DCC: variants seen among roughly 807,000 people sequenced by gnomAD.
The protein encoded by DCC is netrin receptor DCC.
Under a neutral mutation model 172.5 loss-of-function variants are expected in DCC, and 58 were observed. That is an observed-to-expected ratio of 0.34 (90% CI 0.27 to 0.42). The LOEUF is 0.42. DCC is among the 10% of genes least tolerant of loss of function. The probability of loss-of-function intolerance (pLI) is 1.00; values close to 1 mark genes in which losing one functional copy is unlikely to be tolerated. For missense variants in DCC, 1,740 were observed against 1,791.0 expected (o/e 0.97, Z 0.51); for synonymous variants, 709 against 644.5 (o/e 1.10, Z -1.52).
chr18:52,865,034 T>G (rs952608278), intron 2 of DCC, among the ~76,000 whole-genome samples: 1 of 151,784 alleles, frequency 6.6e-6, no homozygotes, highest in Non-Finnish European at 1.5e-5. Context: ...CCTGGCTAAT[T>G]TTTTGTATTT....
rs1568253992 is a variant in DCC at position 52,610,163 on chromosome 18, A to T, written c.92-141891A>T. ...ACCCCATCTCTCATAAAAAAAAAAA[A>T]AAAAAAAAAAAAAAAATATATATAT... On this transcript the variant is annotated intron_variant, in intron 1 of 28. Coordinates refer to ENST00000442544, the MANE Select transcript of DCC (RefSeq NM_005215.4). Among the ~76,000 whole-genome samples, 10 of 19,024 alleles carry T rather than the reference A, an allele frequency of 5.3e-4. 1 individual carries two copies. The South Asian group carries it at 0.011, about 21-fold the overall frequency. 12.5% of individuals were successfully genotyped at this position (19,024 alleles called of 152,430 possible). A position where few individuals can be genotyped will look rare whatever the true frequency, so the allele number is the denominator to read the frequency against.
At chr18:52,389,529 A>C (rs1598776594) in intron 1 of DCC, among the ~76,000 whole-genome samples, 1 of 152,100 alleles carries the variant, frequency 6.6e-6, no homozygotes, top group Non-Finnish European at 1.5e-5. Flanking sequence ...CAACCTGTCA[A>C]TAGTGATGAG....
At chr18:52,544,029 C>G (rs2032541392) in intron 1 of DCC, among the ~76,000 whole-genome samples, 1 of 152,130 alleles carries the variant, frequency 6.6e-6, no homozygotes, top group Admixed American at 6.5e-5. Flanking sequence ...ATCTGTGGAC[C>G]TGTGATTAAC....
At chr18:52,455,072 A>T (rs1988417981) in intron 1 of DCC, among the ~76,000 whole-genome samples, 1 of 152,198 alleles carries the variant, frequency 6.6e-6, no homozygotes, top group Non-Finnish European at 1.5e-5. Flanking sequence ...AGTAAAGCTA[A>T]AAATTCCTTT....
chr18:52,958,547 AG>A (rs1324857240), intron 5 of DCC, among the ~76,000 whole-genome samples: 3 of 152,150 alleles, frequency 2.0e-5, no homozygotes, highest in Non-Finnish European at 4.4e-5. Flanking sequence ...CAGGAAAAGA[AG>A]TGAGGAAATA....
chr18:53,472,464 T>A (rs1040842444), intron 25 of DCC, among the ~76,000 whole-genome samples: 1 of 152,236 alleles, frequency 6.6e-6, no homozygotes, highest in Non-Finnish European at 1.5e-5. Flanking sequence ...GTTGCACTCC[T>A]CTTGTATTAA....
chr18:52,761,482 T>C (rs2037158950), intron 2 of DCC, among the ~76,000 whole-genome samples: 1 of 152,178 alleles, frequency 6.6e-6, no homozygotes, highest in African/African-American at 2.4e-5. Context: ...AATTTTGACC[T>C]AGCAAATCAG....
rs188439117 is a variant in DCC, at chr18:53,526,846, A to G, written c.4254+87A>G. 4.4e-3 allele frequency: 5,114 copies of G among 1,152,204 alleles called. 50 individuals are homozygous for G. Among genetic ancestry groups the G allele is most frequent in the Middle Eastern group, 0.038 (173 of 4,592 alleles). The allele number at this position is 1,152,204 out of a possible 1,614,324, so 71.4% of individuals were successfully genotyped here. Reference sequence around the variant, plus strand: ...GCATCTAAACCAATGAGTACTGTCCATTCACCCCAGGCCACCCCAGGCCAT... The same window carrying G: ...GCATCTAAACCAATGAGTACTGTCCGTTCACCCCAGGCCACCCCAGGCCAT... On this transcript the variant is annotated intron_variant, in intron 28 of 28. Transcript: ENST00000442544.
intron 2 of DCC, among the ~76,000 whole-genome samples, chr18:52,823,413 C>T (rs1431526004): frequency 1.3e-5 from 2 of 152,176 alleles, no homozygotes; most frequent in African/African-American, 2.4e-5. Flanking sequence ...ATTAGAAATA[C>T]ATTTTTAAGA....
chr18:52,918,669 AT>A (rs907367960), intron 3 of DCC, among the ~76,000 whole-genome samples: 1 of 152,162 alleles, frequency 6.6e-6, no homozygotes, highest in Admixed American at 6.6e-5. Flanking sequence ...TGAAAATTGC[AT>A]CTTTATCCTC....
At chr18:53,059,785 C>A (rs1364471852) in intron 5 of DCC, among the ~76,000 whole-genome samples, 1 of 152,064 alleles carries the variant, frequency 6.6e-6, no homozygotes, top group East Asian at 1.9e-4. Flanking sequence ...CATCTTCTAC[C>A]AATATTGCCA....
intron 1 of DCC, among the ~76,000 whole-genome samples, chr18:52,515,648 G>T (rs60759703): frequency 3.8e-5 from 3 of 78,698 alleles, no homozygotes; most frequent in South Asian, 4.5e-4. Context: ...AAATGTAAAA[G>T]AATACAAAAA....
chr18:53,515,902 C>T (rs2046328008), intron 27 of DCC, among the ~76,000 whole-genome samples: 1 of 152,070 alleles, frequency 6.6e-6, no homozygotes, highest in Admixed American at 6.5e-5. Context: ...TCAATGCCAT[C>T]CTCATCAAGC....
At position 53,196,672 on chromosome 18, in the gene DCC, A is replaced by G. The variant is rs529433413; in HGVS notation, c.1574-8544A>G. On this transcript the variant is annotated intron_variant, in intron 9 of 28. Coordinates refer to ENST00000442544, the MANE Select transcript of DCC (RefSeq NM_005215.4). The stretch of plus-strand genomic sequence containing the variant: ...AATATATAGATTACATCCATCATCT[A>G]TATCACACATTATATATGTGTGTGT... Among the ~76,000 whole-genome samples the G allele has an allele frequency of 4.9e-4, 74 of 152,266 alleles. 1 individual carries two copies. In the South Asian group the frequency reaches 0.013, roughly 26 times the overall value.
intron 5 of DCC, among the ~76,000 whole-genome samples, chr18:52,964,479 T>TA (rs966649988): frequency 6.6e-6 from 1 of 152,108 alleles, no homozygotes; most frequent in African/African-American, 2.4e-5. Context: ...CAATTTTTTT[T>TA]AAAGAATCAT....
chr18:53,216,759 A>G (rs1418161202), intron 12 of DCC, among the ~76,000 whole-genome samples: 1 of 152,182 alleles, frequency 6.6e-6, no homozygotes, highest in East Asian at 1.9e-4. Flanking sequence ...AATATGTTGG[A>G]TAAGAACTAT....
chr18:53,169,118 T>C (rs1166444626), intron 8 of DCC, among the ~76,000 whole-genome samples: 1 of 152,232 alleles, frequency 6.6e-6, no homozygotes, highest in African/African-American at 2.4e-5. Context: ...AATTGCACAA[T>C]GGTGCATCGC....
At chr18:52,890,251 C>G (rs561103742) in intron 2 of DCC, among the ~76,000 whole-genome samples, 434 of 152,186 alleles carry the variant, frequency 2.9e-3, no homozygotes, top group African/African-American at 0.01. Flanking sequence ...CAATTCCAAC[C>G]AAGGCTTAAC....
chr18:52,407,215 C>CTATT (rs1555679035), intron 1 of DCC, among the ~76,000 whole-genome samples: 2 of 152,042 alleles, frequency 1.3e-5, no homozygotes, highest in Non-Finnish European at 2.9e-5. Flanking sequence ...CTGAGTCTAT[C>CTATT]CTACAGTCAG....
Sources: allele counts gnomAD v4.1 joint callset (sites outside exome capture counted in the v4.1 genomes callset), GRCh38; gene constraint gnomAD v4.1.1; transcripts MANE v1.5; gene names NCBI Gene and HGNC (gene_info 2026-07-23, HGNC 2026-07-21).